Variants in MGAT4C observed in about 807,000 individuals in gnomAD.
MGAT4C encodes the protein alpha-1,3-mannosyl-glycoprotein 4-beta-N-acetylglucosaminyltransferase C.
A neutral mutation model predicts 40.1 loss-of-function variants in MGAT4C; 19 were observed. That is an observed-to-expected ratio of 0.47 (90% CI 0.33 to 0.70). The LOEUF (loss-of-function observed/expected upper bound fraction) is 0.70. Ranked by LOEUF, MGAT4C falls within the 30% of genes least tolerant of loss-of-function variation. The pLI, the probability that MGAT4C is intolerant of heterozygous loss-of-function variation, is 0.02. For synonymous variants in MGAT4C, 181 were observed against 187.1 expected (o/e 0.97, Z 0.27); for missense variants, 491 against 563.2 (o/e 0.87, Z 1.30).
At chr12:86,431,221 C>T (rs1469371271) in intron 3 of MGAT4C, among the ~76,000 whole-genome samples, 1 of 152,058 alleles carries the variant, frequency 6.6e-6, no homozygotes, top group Admixed American at 6.6e-5. Flanking sequence ...AATTGGGCAC[C>T]ACAGCTAGCA....
intron 1 of MGAT4C, among the ~76,000 whole-genome samples, chr12:86,820,946 C>A (rs534100243): frequency 6.6e-6 from 1 of 150,816 alleles, no homozygotes; most frequent in South Asian, 2.1e-4. Context: ...TGAGAGTATA[C>A]AATGGTGGAA....
In MGAT4C at chr12:86,480,507, C is replaced by CATATATAGATATGTACACAAATACATAT. The variant is rs77388286; in HGVS notation, c.-228-45243_-228-45242insATATGTATTTGTGTACATATCTATATAT. On this transcript the variant is annotated intron_variant, in intron 2 of 7. Transcript: ENST00000548651. ...ACATATATAGATATGTACACATATA[C>CATATATAGATATGTACACAAATACATAT]GTATGTATACATATATAGATATGTA... Among the ~76,000 whole-genome samples, 4 of 29,376 alleles carry CATATATAGATATGTACACAAATACATAT rather than the reference C, an allele frequency of 1.4e-4. 1 individual carries two copies. Among genetic ancestry groups the CATATATAGATATGTACACAAATACATAT allele is most frequent in the African/African-American group, 3.7e-4 (4 of 10,890 alleles). The allele number at this position is 29,376 out of a possible 152,430, so 19.3% of individuals were successfully genotyped here. A position where few individuals can be genotyped will look rare whatever the true frequency, so the allele number is the denominator to read the frequency against.
intron 3 of MGAT4C, among the ~76,000 whole-genome samples, chr12:86,398,731 TAAA>T (rs1166932955): frequency 5.9e-5 from 9 of 151,812 alleles, no homozygotes; most frequent in Non-Finnish European, 2.9e-5. Context: ...CCTTAGAAAC[TAAA>T]AATATATTCT....
intron 2 of MGAT4C, among the ~76,000 whole-genome samples, chr12:86,600,709 C>T (rs923420234): frequency 3.3e-5 from 5 of 152,208 alleles, no homozygotes; most frequent in Non-Finnish European, 5.9e-5. Flanking sequence ...GCGCACTCTG[C>T]GGAGCCAGTG....
intron 2 of MGAT4C, among the ~76,000 whole-genome samples, chr12:86,046,082 G>A (rs764483111): frequency 1.7e-4 from 26 of 152,270 alleles, no homozygotes; most frequent in Non-Finnish European, 2.8e-4. Flanking sequence ...TCACAATGGA[G>A]TTAAATCATT....
chr12:86,559,599 CAAAT>C (rs1203385162), intron 2 of MGAT4C, among the ~76,000 whole-genome samples: 1 of 151,636 alleles, frequency 6.6e-6, no homozygotes, highest in Admixed American at 6.6e-5. Context: ...AAAACCAAAA[CAAAT>C]AAAAAATGAA....
intron 1 of MGAT4C, among the ~76,000 whole-genome samples, chr12:86,145,087 G>A (rs1223871534): frequency 6.6e-6 from 1 of 152,104 alleles, no homozygotes; most frequent in Non-Finnish European, 1.5e-5. Flanking sequence ...CAACTTTTCT[G>A]TCAGGGTATA....
chr12:86,400,645 C>T (rs1341910722), intron 3 of MGAT4C, among the ~76,000 whole-genome samples: 1 of 152,134 alleles, frequency 6.6e-6, no homozygotes, highest in East Asian at 1.9e-4. Flanking sequence ...GAGAAAGTAA[C>T]ATCATGTTTA....
At chr12:86,449,941 T>C (rs1203558325) in intron 2 of MGAT4C, among the ~76,000 whole-genome samples, 1 of 152,186 alleles carries the variant, frequency 6.6e-6, no homozygotes, top group Non-Finnish European at 1.5e-5. Flanking sequence ...TTGAACTAGA[T>C]GGAAATGGTG....
chr12:86,280,450 C>G (rs888337777), intron 4 of MGAT4C, among the ~76,000 whole-genome samples: 15 of 151,706 alleles, frequency 9.9e-5, no homozygotes, highest in African/African-American at 3.6e-4. Context: ...AAATATAAAA[C>G]CATATAAAGT....
intron 2 of MGAT4C, among the ~76,000 whole-genome samples, chr12:86,009,026 A>G (rs188805071): frequency 1.1e-4 from 16 of 152,146 alleles, no homozygotes; most frequent in Non-Finnish European, 2.1e-4. Flanking sequence ...AAATATTGAT[A>G]TGTAATTTTC....
intron 2 of MGAT4C, among the ~76,000 whole-genome samples, chr12:86,490,293 T>G (rs1376886535): frequency 6.6e-6 from 1 of 152,110 alleles, no homozygotes; most frequent in East Asian, 1.9e-4. Context: ...AAAAGAATTT[T>G]CAACCCAGAA....
chr12:86,128,728 G>T (rs1593016533), intron 1 of MGAT4C, among the ~76,000 whole-genome samples: 2 of 152,112 alleles, frequency 1.3e-5, no homozygotes, highest in Non-Finnish European at 2.9e-5. Context: ...ATGAGCCAGA[G>T]TTTAGTACTT....
chr12:86,156,272 T>G (rs190813935), intron 1 of MGAT4C, among the ~76,000 whole-genome samples: 1 of 152,308 alleles, frequency 6.6e-6, no homozygotes, highest in Admixed American at 6.5e-5. Context: ...GTTAACATAT[T>G]AATCTGAGAG....
intron 2 of MGAT4C, chr12:86,011,870 G>T: frequency 2.0e-6 from 2 of 984,734 alleles, no homozygotes; most frequent in Non-Finnish European, 2.4e-6. Context: ...AGCACACCCT[G>T]ATAATATAAA....
At chr12:86,525,606 A>T (rs546161123) in intron 2 of MGAT4C, among the ~76,000 whole-genome samples, 4 of 152,182 alleles carry the variant, frequency 2.6e-5, no homozygotes, top group East Asian at 1.9e-4. Flanking sequence ...TGACCTTTGC[A>T]TGTTTTTTTC....
chr12:86,037,484 G>A (rs1891353632), intron 2 of MGAT4C, among the ~76,000 whole-genome samples: 1 of 150,086 alleles, frequency 6.7e-6, no homozygotes, highest in East Asian at 1.9e-4. Context: ...ATTCTGGTAT[G>A]TTGTGTCTTT....
chr12:86,185,523 A>G lies in MGAT4C; in HGVS notation c.-57+70716T>C, dbSNP rs184775806. Among the ~76,000 whole-genome samples, 457 of 152,256 alleles carry G rather than the reference A, an allele frequency of 3.0e-3. 3 individuals carry two copies. Among genetic ancestry groups the G allele is most frequent in the Non-Finnish European group, 3.0e-3 (204 of 68,016 alleles). On this transcript the variant is annotated intron_variant, in intron 1 of 4. Coordinates refer to ENST00000611864, the MANE Select transcript of MGAT4C (RefSeq NM_001351288.2). ...ATATACACATAAGCATATGTTCTTT[A>G]AAAACAAACAATGATAACAAACAAA...
intron 3 of MGAT4C, among the ~76,000 whole-genome samples, chr12:86,334,336 G>A (rs1026282827): frequency 2.0e-5 from 3 of 152,058 alleles, no homozygotes; most frequent in African/African-American, 7.2e-5. Flanking sequence ...ACTCATTGCT[G>A]TAGAAACTTA....
Sources: gnomAD v4.1 joint callset for allele counts (sites outside exome capture counted in the v4.1 genomes callset) on GRCh38, gnomAD v4.1.1 for gene constraint, MANE v1.5 for transcripts, NCBI Gene and HGNC (gene_info 2026-07-23, HGNC 2026-07-21) for gene names.